Variants in HORMAD2 observed in about 807,000 individuals in gnomAD.
The protein encoded by HORMAD2 is HORMA domain containing 2, also known as HORMA domain-containing protein 2.
HORMAD2 carries 45 observed loss-of-function variants against 38.8 expected under a neutral mutation model. That is an observed-to-expected ratio of 1.16 (90% CI 0.91 to 1.49). The LOEUF is 1.49. HORMAD2 is among the 40% of genes most tolerant of loss of function. The pLI is 0.00. For synonymous variants in HORMAD2, 126 were observed against 122.8 expected, an observed-to-expected ratio of 1.03 and a Z score of -0.17; for missense variants, 338 against 367.0, an observed-to-expected ratio of 0.92 and a Z score of 0.65.
At chr22:30,110,103 T>A (rs1921512480) in intron 5 of HORMAD2, among the ~76,000 whole-genome samples, 1 of 152,062 alleles carries the variant, frequency 6.6e-6, no homozygotes, top group South Asian at 2.1e-4. Context: ...AAAAATACAG[T>A]GTGACAAGTA....
Position 30,122,155 on chromosome 22 carries a change from A to G in HORMAD2, c.760A>G (p.Thr254Ala), listed in dbSNP as rs1399408014. The change falls in exon 10 of 11, where the codon ACT becomes GCT. Residue 254 changes from threonine (T) to alanine (A), a missense_variant. Transcript: ENST00000336726. ...GAACAATCTGTTTCGGGAGAACAGC[A>G]CTACTGAGATCGCCCATCAGGGTCT... ...LENNLFRENS[T>A]TEIAHQGLDC... 1.9e-6 allele frequency: 3 copies of G among 1,613,572 alleles called. No individual in the cohort carries two copies. The highest frequency in any genetic ancestry group is 3.3e-5 in the Admixed American group (2 of 59,932).
At chr22:30,183,829 G>A in the HORMAD2 span, among the ~76,000 whole-genome samples, 1 of 152,194 alleles carries the variant, frequency 6.6e-6, no homozygotes, top group Non-Finnish European at 1.5e-5. Flanking sequence ...GCCTTCAAGT[G>A]TACTTTTAAC....
intron 10 of HORMAD2, among the ~76,000 whole-genome samples, chr22:30,128,736 G>A (rs1019667042): frequency 6.6e-6 from 1 of 152,084 alleles, no homozygotes; most frequent in African/African-American, 2.4e-5. Flanking sequence ...GCCTTGTGTG[G>A]GGGTGAGCTC....
intron 10 of HORMAD2, among the ~76,000 whole-genome samples, chr22:30,125,216 C>CTT (rs1167990121): frequency 0.012 from 510 of 43,456 alleles, 98 homozygotes; most frequent in Non-Finnish European, 0.014. Context: ...TTTTTCTTTT[C>CTT]TTTTTTTTTT....
chr22:30,093,866 G>A, intron 1 of HORMAD2, 50 bp from the exon 2 acceptor site: 1 of 877,270 alleles, frequency 1.1e-6, no homozygotes, highest in Non-Finnish European at 1.8e-6. Flanking sequence ...AGTAAGAGAG[G>A]AAGCATTATA....
intron 10 of HORMAD2, among the ~76,000 whole-genome samples, chr22:30,157,596 G>A (rs1925161690): frequency 6.6e-6 from 1 of 152,108 alleles, no homozygotes; most frequent in African/African-American, 2.4e-5. Flanking sequence ...TTAAGAGGAT[G>A]TCTTGGCTTG....
At chr22:30,196,487 G>A in the HORMAD2 span, among the ~76,000 whole-genome samples, 2 of 152,182 alleles carry the variant, frequency 1.3e-5, no homozygotes, top group African/African-American at 2.4e-5. Flanking sequence ...CATCACCATC[G>A]CGGTGGCCAG....
intron 10 of HORMAD2, among the ~76,000 whole-genome samples, chr22:30,169,160 C>T (rs1051205913): frequency 1.3e-5 from 2 of 152,152 alleles, no homozygotes; most frequent in African/African-American, 2.4e-5. Context: ...CCTTTTGAAG[C>T]CTTGCCAGGC....
the HORMAD2 span, among the ~76,000 whole-genome samples, chr22:30,188,293 C>T: frequency 6.6e-6 from 1 of 152,136 alleles, no homozygotes; most frequent in Admixed American, 6.5e-5. Flanking sequence ...TGAAAAGACT[C>T]TCTCTTTTTC....
At chr22:30,101,328 C>A (rs773194044) in intron 3 of HORMAD2, among the ~76,000 whole-genome samples, 72 of 151,396 alleles carry the variant, frequency 4.8e-4, no homozygotes, top group Non-Finnish European at 7.2e-4. Flanking sequence ...CAAACTAACA[C>A]AGGAACAGAA....
At chr22:30,148,787 G>A (rs1402476851) in intron 10 of HORMAD2, among the ~76,000 whole-genome samples, 2 of 152,028 alleles carry the variant, frequency 1.3e-5, no homozygotes, top group African/African-American at 4.8e-5. Context: ...GGCAGATCAC[G>A]AGGTCAGGAG....
At chr22:30,182,708 T>G in the HORMAD2 span, among the ~76,000 whole-genome samples, 2 of 152,338 alleles carry the variant, frequency 1.3e-5, no homozygotes, top group East Asian at 3.9e-4. Flanking sequence ...GGAGGATTGC[T>G]TGAGCCCAAG....
chr22:30,193,217 G>A, the HORMAD2 span, among the ~76,000 whole-genome samples: 396 of 152,246 alleles, frequency 2.6e-3, 2 homozygotes, highest in Non-Finnish European at 3.1e-3. Flanking sequence ...ACCACAATAT[G>A]ACCTAACAGT....
the HORMAD2 span, among the ~76,000 whole-genome samples, chr22:30,200,176 C>T: frequency 6.6e-6 from 1 of 151,864 alleles, no homozygotes; most frequent in African/African-American, 2.4e-5. Context: ...CTAGGCCTCC[C>T]AAAGTGTTGG....
At position 30,128,389 on chromosome 22, in the gene HORMAD2, A is replaced by G. The variant is rs181859133; in HGVS notation, c.819+6175A>G. On this transcript the variant is annotated intron_variant, in intron 10 of 10. Coordinates refer to ENST00000336726, the MANE Select transcript of HORMAD2 (RefSeq NM_152510.4). ...GTGAATTTATTTTACTTTTATACTT[A>G]ACATTATTGATTTTGTAAATATGTT... Among the ~76,000 whole-genome samples, 361 of 152,220 alleles carry G rather than the reference A, an allele frequency of 2.4e-3. 1 individual carries two copies. The highest frequency in any genetic ancestry group is 7.2e-4 in the Non-Finnish European group (49 of 68,008).
At chr22:30,104,146 A>G (rs975521015) in intron 4 of HORMAD2, among the ~76,000 whole-genome samples, 1 of 152,212 alleles carries the variant, frequency 6.6e-6, no homozygotes, top group African/African-American at 2.4e-5. Flanking sequence ...ATAATTCATC[A>G]TATGTGTGTC....
intron 10 of HORMAD2, among the ~76,000 whole-genome samples, chr22:30,174,540 T>C (rs533590073): frequency 6.6e-6 from 1 of 152,174 alleles, no homozygotes; most frequent in South Asian, 2.1e-4. Flanking sequence ...CTTACTGCAA[T>C]AAAATTACAG....
chr22:30,199,587 T>A, the HORMAD2 span, among the ~76,000 whole-genome samples: 1 of 152,216 alleles, frequency 6.6e-6, no homozygotes. Context: ...TCAACTAGCA[T>A]CTGCCTGTTT....
chr22:30,120,549 A>G (rs1922356645), intron 8 of HORMAD2, among the ~76,000 whole-genome samples: 1 of 152,214 alleles, frequency 6.6e-6, no homozygotes, highest in African/African-American at 2.4e-5. Context: ...CTCAAATGTG[A>G]GACTAATTGT....
Sources: allele counts gnomAD v4.1 joint callset (sites outside exome capture counted in the v4.1 genomes callset), GRCh38; gene constraint gnomAD v4.1.1; transcripts MANE v1.5; gene names NCBI Gene and HGNC (gene_info 2026-07-23, HGNC 2026-07-21).